Variants in LIMS2 observed in about 807,000 individuals in gnomAD.
The protein encoded by LIMS2 is LIM and senescent cell antigen-like-containing domain protein 2.
LIMS2 carries 30 observed loss-of-function variants against 45.3 expected under a neutral mutation model. The observed-to-expected ratio is 0.66, with a 90% CI of 0.50 to 0.90. The LOEUF is 0.90. Ranked by LOEUF, LIMS2 falls within the 40% of genes least tolerant of loss-of-function variation. The probability of loss-of-function intolerance (pLI) is 0.00; values close to 1 mark genes in which losing one functional copy is unlikely to be tolerated. For missense variants in LIMS2, 485 were observed against 468.7 expected, an observed-to-expected ratio of 1.03 and a Z score of -0.32; for synonymous variants, 173 against 188.0, an observed-to-expected ratio of 0.92 and a Z score of 0.65.
rs112494614 is a variant in LIMS2 at position 127,638,859 on chromosome 2, G to A, written c.*422C>T. On this transcript the variant is annotated 3_prime_UTR_variant, in exon 10 of 10. Coordinates refer to ENST00000355119, the MANE Select transcript of LIMS2 (RefSeq NM_001161403.3). ...CTCCAGCAGGCTGCCCTGGCTGTGG[G>A]TAGCCCAGGAGCCACATGCGCTTAG... 0.015 allele frequency: 2,552 copies of A among 174,162 alleles called. 74 individuals carry two copies. Among genetic ancestry groups the A allele is most frequent in the African/African-American group, 0.057 (2,413 of 41,988 alleles). The allele number at this position is 174,162 out of a possible 1,614,324, so 10.8% of individuals were successfully genotyped here.
At chr2:127,675,549 T>C (rs1685475691), upstream of LIMS2, among the ~76,000 whole-genome samples, 1 of 151,990 alleles carries the variant, frequency 6.6e-6, no homozygotes, top group African/African-American at 2.4e-5. Context: ...CGGGCATAGC[T>C]TTCCTTTTAA....
intron 2 of LIMS2, 33 bp downstream of exon 2, chr2:127,657,370 T>G (rs762827240): frequency 6.2e-7 from 1 of 1,613,076 alleles, no homozygotes; most frequent in Non-Finnish European, 8.5e-7. Flanking sequence ...GACTCCGAGC[T>G]GGGTCTGAGA....
At chr2:127,650,305 C>T in intron 4 of LIMS2, 4 of 574,256 alleles carry the variant, frequency 7.0e-6, no homozygotes, top group Non-Finnish European at 1.2e-5. Flanking sequence ...CCCGGAGACA[C>T]ACTGCCCCCG....
At chr2:127,650,673 T>C (rs1683654372) in intron 4 of LIMS2, 3 of 1,375,054 alleles carry the variant, frequency 2.2e-6, no homozygotes, top group Non-Finnish European at 3.0e-6. Context: ...TGAAGCTGCC[T>C]AGATCGCAAG....
Position 127,671,707 on chromosome 2 carries a change from G to A in LIMS2, c.11+3307C>T, listed in dbSNP as rs868846585. Among the ~76,000 whole-genome samples the A allele has an allele frequency of 3.9e-5, 6 of 152,212 alleles. No homozygotes were observed. Among genetic ancestry groups the A allele is most frequent in the African/African-American group, 7.2e-5 (3 of 41,460 alleles). ...CTCCATCCCTATTATGCCACTGGCC[G>A]GCTAGAAGGGGCCAGTCAGCACCAG... On this transcript the variant is annotated intron_variant, in intron 1 of 9. Coordinates refer to ENST00000355119, the MANE Select transcript of LIMS2 (RefSeq NM_001161403.3). This position sits in a 1 kb window ranked among gnomAD's most constrained non-coding sequence, Gnocchi z 4.1.
chr2:127,654,649 C>T (rs1021417664), intron 3 of LIMS2, 105 bp from the exon 4 acceptor site: 1 of 1,559,804 alleles, frequency 6.4e-7, no homozygotes, highest in African/African-American at 1.4e-5. Context: ...TCTGCCTGGC[C>T]CATGGGCTCC....
At position 127,657,497 on chromosome 2, in the gene LIMS2, T is replaced by A. The variant is rs1476731857; in HGVS notation, c.77A>T (p.Glu26Val). The change falls in exon 2 of 10, where the codon GAG becomes GTG. Residue 26 changes from glutamate to valine, a missense_variant. Transcript: ENST00000355119. Reference protein sequence around the residue: ...QRCQARFSPAERIVNSNGELY... With the variant: ...QRCQARFSPAVRIVNSNGELY... Reference sequence around the variant, plus strand: ...CTCCCCATTGCTGTTGACAATGCGCTCGGCGGGGGAGAAGCGGGCCTGGCA... The same window carrying A: ...CTCCCCATTGCTGTTGACAATGCGCACGGCGGGGGAGAAGCGGGCCTGGCA... The A allele has an allele frequency of 1.9e-6, 3 of 1,613,192 alleles. No homozygotes were observed. Among genetic ancestry groups the A allele is most frequent in the Non-Finnish European group, 2.5e-6 (3 of 1,179,860 alleles).
At chr2:127,646,829 T>C (rs936486920) in intron 4 of LIMS2, among the ~76,000 whole-genome samples, 1 of 152,240 alleles carries the variant, frequency 6.6e-6, no homozygotes, top group African/African-American at 2.4e-5. Context: ...AGACTGAAGT[T>C]TGTGTTTCTA....
upstream of LIMS2, among the ~76,000 whole-genome samples, chr2:127,677,288 C>T (rs1264182742): frequency 6.6e-6 from 1 of 152,202 alleles, no homozygotes; most frequent in Non-Finnish European, 1.5e-5. The surrounding 1 kb of genome is among the most constrained non-coding windows in gnomAD (Gnocchi z 5.0). Context: ...ATGGACCAGG[C>T]TCTCATGGAG....
At chr2:127,651,334 C>T in intron 4 of LIMS2, 1 of 1,611,328 alleles carries the variant, frequency 6.2e-7, no homozygotes, top group Admixed American at 1.7e-5. Context: ...CTGGCAGTGG[C>T]CTTCACCTTC....
intron 4 of LIMS2, among the ~76,000 whole-genome samples, chr2:127,648,975 G>A (rs1304155820): frequency 1.6e-4 from 3 of 19,292 alleles, no homozygotes; most frequent in African/African-American, 1.7e-4. Context: ...GGGGGGAGGG[G>A]AGGGAGGGGA....
At chr2:127,678,176 G>GGATCCCC (rs1685542521), upstream of LIMS2, among the ~76,000 whole-genome samples, 1 of 152,190 alleles carries the variant, frequency 6.6e-6, no homozygotes, top group African/African-American at 2.4e-5. The surrounding 1 kb of genome is among the most constrained non-coding windows in gnomAD (Gnocchi z 5.3). Context: ...CCGATGTGGT[G>GGATCCCC]GATCCCCGTA....
intron 1 of LIMS2, chr2:127,673,748 A>G: frequency 6.4e-7 from 1 of 1,551,222 alleles, no homozygotes; most frequent in Non-Finnish European, 8.7e-7. Context: ...CTTTTCCTAG[A>G]AAACAGGAGA....
intron 1 of LIMS2, among the ~76,000 whole-genome samples, chr2:127,670,971 A>T (rs1166637785): frequency 6.6e-6 from 1 of 152,260 alleles, no homozygotes; most frequent in Non-Finnish European, 1.5e-5. Flanking sequence ...AGACATATGC[A>T]TTCACTCATG....
intron 4 of LIMS2, chr2:127,651,845 A>G (rs13021001): frequency 0.13 from 158,612 of 1,232,696 alleles, 11,414 homozygotes; most frequent in South Asian, 0.23. Context: ...CCACCTCCCC[A>G]GCAAGCAACC....
intron 1 of LIMS2, among the ~76,000 whole-genome samples, chr2:127,666,964 A>G (rs1001925961): frequency 6.6e-6 from 1 of 152,172 alleles, no homozygotes; most frequent in African/African-American, 2.4e-5. Flanking sequence ...TCAAGATGAG[A>G]TTTAGTTGGG....
Position 127,649,175 on chromosome 2 carries a change from G to GGAAGGAAA in LIMS2, c.359+5248_359+5249insTTTCCTTC, listed in dbSNP as rs1247295807. Among the ~76,000 whole-genome samples the GGAAGGAAA allele has an allele frequency of 5.2e-4, 58 of 111,678 alleles. 1 individual carries two copies. Among genetic ancestry groups the GGAAGGAAA allele is most frequent in the Middle Eastern group, 4.5e-3 (1 of 224 alleles). 73.3% of individuals were successfully genotyped at this position (111,678 alleles called of 152,430 possible). On this transcript the variant is annotated intron_variant, in intron 4 of 9. Coordinates refer to ENST00000355119, the MANE Select transcript of LIMS2 (RefSeq NM_001161403.3). ...AGAGAGAGAGGAAGGTAGGAAGGAA[G>GGAAGGAAA]GAAGGAAGGAAGGAAGGAAGGAAGG...
In LIMS2 at chr2:127,667,230, G is replaced by T. The variant is rs562364724; in HGVS notation, c.11+7784C>A. ...CACTTGAACCTGGAAGGCGGAGGTT[G>T]CAGTGAGCTGAGATCACGCCACTGC... On this transcript the variant is annotated intron_variant, in intron 1 of 9. Transcript: ENST00000355119. The surrounding 1 kb of genome is among the most constrained non-coding windows in gnomAD (Gnocchi z 4.1). 2.8e-4 allele frequency among the ~76,000 whole-genome samples: 42 copies of T among 152,340 alleles called. No individual in the cohort carries two copies. Among genetic ancestry groups the T allele is most frequent in the African/African-American group, 9.9e-4 (41 of 41,570 alleles).
At chr2:127,670,970 C>T (rs1482368849) in intron 1 of LIMS2, among the ~76,000 whole-genome samples, 1 of 152,242 alleles carries the variant, frequency 6.6e-6, no homozygotes. Flanking sequence ...AAGACATATG[C>T]ATTCACTCAT....
Sources: gnomAD v4.1 joint callset for allele counts (sites outside exome capture counted in the v4.1 genomes callset) on GRCh38, gnomAD v4.1.1 for gene constraint, Gnocchi (gnomAD v3.1) non-coding constraint, MANE v1.5 for transcripts, NCBI Gene and HGNC (gene_info 2026-07-23, HGNC 2026-07-21) for gene names.